Variants in EYS observed in about 807,000 individuals in gnomAD.
EYS encodes protein eyes shut homolog.
A neutral mutation model predicts 282.1 loss-of-function variants in EYS; 250 were observed. The ratio of observed to expected loss-of-function variants is 0.89; its 90% CI spans 0.80 to 0.98. The LOEUF (loss-of-function observed/expected upper bound fraction) is 0.98, where lower values mean the gene tolerates loss of function less well. Among genes scored for constraint, EYS ranks in the 50% least tolerant of loss-of-function variants. The pLI is 0.00. For missense variants in EYS, 4,016 were observed against 3,709.0 expected (o/e 1.08, Z -2.15); for synonymous variants, 1,355 against 1,282.9 (o/e 1.06, Z -1.20).
chr6:64,387,667 A>C (rs1053740949), intron 29 of EYS, among the ~76,000 whole-genome samples: 1 of 152,118 alleles, frequency 6.6e-6, no homozygotes, highest in African/African-American at 2.4e-5. Flanking sequence ...GAATGGTTTC[A>C]TTTACGAAAA....
chr6:64,887,546 A>G (rs1767136862), intron 18 of EYS, among the ~76,000 whole-genome samples: 2 of 152,072 alleles, frequency 1.3e-5, no homozygotes, highest in African/African-American at 2.4e-5. Flanking sequence ...AGTCTAGATA[A>G]AGAAGCTTTA....
intron 5 of EYS, among the ~76,000 whole-genome samples, chr6:65,418,310 C>T (rs899409407): frequency 2.6e-5 from 4 of 152,002 alleles, no homozygotes; most frequent in African/African-American, 9.7e-5. Context: ...ATTTCTGGTT[C>T]TAGATCCTTG....
At chr6:64,888,664 T>C (rs2150064429) in intron 18 of EYS, among the ~76,000 whole-genome samples, 1 of 152,142 alleles carries the variant, frequency 6.6e-6, no homozygotes, top group African/African-American at 2.4e-5. Flanking sequence ...ACTTCTTGAA[T>C]TTTTGTTCAA....
At chr6:65,536,167 A>G (rs1314040903) in intron 2 of EYS, among the ~76,000 whole-genome samples, 1 of 152,102 alleles carries the variant, frequency 6.6e-6, no homozygotes, top group African/African-American at 2.4e-5. Context: ...ATACGACTAT[A>G]GAAGACAAGC....
At chr6:65,164,805 T>C (rs546358930) in intron 12 of EYS, among the ~76,000 whole-genome samples, 1 of 151,364 alleles carries the variant, frequency 6.6e-6, no homozygotes, top group East Asian at 2.0e-4. Context: ...TTGCTGGCAA[T>C]ATTCATCACT....
chr6:64,864,385 C>CTTTTTTGTTTT, intron 19 of EYS, among the ~76,000 whole-genome samples: 1 of 57,166 alleles, frequency 1.7e-5, no homozygotes, highest in Non-Finnish European at 3.6e-5. Context: ...GCTATACCTT[C>CTTTTTTGTTTT]TTTTTTTTTT....
chr6:64,434,788 T>C (rs1456584374), intron 28 of EYS, among the ~76,000 whole-genome samples: 1 of 152,148 alleles, frequency 6.6e-6, no homozygotes, highest in Non-Finnish European at 1.5e-5. Context: ...GTACTTGATA[T>C]AAATTCCTGT....
chr6:63,902,860 A>T (rs1773690611), intron 35 of EYS, among the ~76,000 whole-genome samples: 1 of 152,214 alleles, frequency 6.6e-6, no homozygotes, highest in African/African-American at 2.4e-5. Context: ...ATGAATAAAG[A>T]TGTAGGTTGC....
At chr6:64,956,953 G>T (rs1215727514) in intron 14 of EYS, among the ~76,000 whole-genome samples, 1 of 152,086 alleles carries the variant, frequency 6.6e-6, no homozygotes, top group African/African-American at 2.4e-5. Context: ...GGAGAAAAGG[G>T]AATCCACTTA....
intron 1 of EYS, among the ~76,000 whole-genome samples, chr6:65,644,514 TC>T (rs1235789607): frequency 6.6e-6 from 1 of 152,058 alleles, no homozygotes; most frequent in East Asian, 1.9e-4. Context: ...AAAGACAACA[TC>T]CCCAGCCTTG....
intron 12 of EYS, among the ~76,000 whole-genome samples, chr6:65,168,131 A>T (rs1765019186): frequency 6.6e-6 from 1 of 151,190 alleles, no homozygotes; most frequent in Non-Finnish European, 1.5e-5. Flanking sequence ...GTTATTTCTC[A>T]ATCTGTTAGT....
intron 35 of EYS, among the ~76,000 whole-genome samples, chr6:63,960,471 C>T (rs969856077): frequency 5.3e-5 from 8 of 152,168 alleles, no homozygotes; most frequent in African/African-American, 1.9e-4. Context: ...TTAGAGTATA[C>T]ATAAACCTGG....
chr6:64,971,952 T>A (rs1418694651), intron 14 of EYS, among the ~76,000 whole-genome samples: 2 of 152,040 alleles, frequency 1.3e-5, no homozygotes, highest in African/African-American at 4.8e-5. Flanking sequence ...CTTCCCAGAT[T>A]TATGATGATG....
intron 40 of EYS, among the ~76,000 whole-genome samples, chr6:63,765,572 A>G (rs1769766935): frequency 6.6e-6 from 1 of 151,958 alleles, no homozygotes; most frequent in South Asian, 2.1e-4. Flanking sequence ...TGGTATAGGC[A>G]GGCAATGTGT....
chr6:65,203,261 C>T lies in EYS; in HGVS notation c.2023+92602G>A, dbSNP rs202024102. Among the ~76,000 whole-genome samples, 15 of 152,266 alleles carry T rather than the reference C, an allele frequency of 9.9e-5. No homozygotes were observed. In the East Asian group the frequency reaches 2.5e-3, roughly 26 times the overall value. On this transcript the variant is annotated intron_variant, in intron 12 of 42. Coordinates refer to ENST00000503581, the MANE Select transcript of EYS (RefSeq NM_001142800.2). ...ACTGGCTTTTAGCCAAAATTGTCAC[C>T]TACTTGCTGGTAGGGTGAGCTGCAC...
intron 6 of EYS, among the ~76,000 whole-genome samples, chr6:65,402,908 C>T (rs928339091): frequency 1.3e-5 from 2 of 152,046 alleles, no homozygotes; most frequent in Non-Finnish European, 2.9e-5. Flanking sequence ...CATATAGATT[C>T]TATCTAATTA....
At chr6:64,252,103 T>G (rs1767236917) in intron 30 of EYS, among the ~76,000 whole-genome samples, 1 of 152,084 alleles carries the variant, frequency 6.6e-6, no homozygotes, top group Non-Finnish European at 1.5e-5. Flanking sequence ...AATGCTAGCT[T>G]TGGAATATTT....
chr6:65,487,100 T>C (rs1765811214), intron 5 of EYS, among the ~76,000 whole-genome samples: 1 of 152,208 alleles, frequency 6.6e-6, no homozygotes, highest in Non-Finnish European at 1.5e-5. Flanking sequence ...TTTCTAGATA[T>C]ACAATCATGT....
At chr6:64,272,308 C>T (rs1455145764) in intron 30 of EYS, among the ~76,000 whole-genome samples, 1 of 152,090 alleles carries the variant, frequency 6.6e-6, no homozygotes, top group Non-Finnish European at 1.5e-5. Context: ...GAATTTGGTC[C>T]TGTCATTATG....
Sources: gnomAD v4.1 joint callset for allele counts (sites outside exome capture counted in the v4.1 genomes callset) on GRCh38, gnomAD v4.1.1 for gene constraint, MANE v1.5 for transcripts, NCBI Gene and HGNC (gene_info 2026-07-23, HGNC 2026-07-21) for gene names.